FAM227A: variants seen among roughly 807,000 people sequenced by gnomAD.
FAM227A encodes the protein protein FAM227A.
FAM227A carries 80 observed loss-of-function variants against 74.7 expected under a neutral mutation model. The ratio of observed to expected loss-of-function variants is 1.07; its 90% confidence interval spans 0.89 to 1.29. The LOEUF (loss-of-function observed/expected upper bound fraction) is 1.29. Among genes scored for constraint, FAM227A ranks in the 50% most tolerant of loss-of-function variants. The pLI is 0.00. For missense variants in FAM227A, 654 were observed against 683.4 expected (o/e 0.96, Z 0.48); for synonymous variants, 237 against 241.8 (o/e 0.98, Z 0.19).
intron 3 of FAM227A, among the ~76,000 whole-genome samples, chr22:38,642,941 A>T (rs899075380): frequency 3.9e-5 from 6 of 152,008 alleles, no homozygotes; most frequent in African/African-American, 7.2e-5. Flanking sequence ...GTCTCAAAAA[A>T]ACAAAAACAA....
At chr22:38,647,463 C>T (rs992787994) in intron 2 of FAM227A, among the ~76,000 whole-genome samples, 7 of 151,734 alleles carry the variant, frequency 4.6e-5, no homozygotes, top group African/African-American at 1.2e-4. Context: ...AACAAAACAA[C>T]GAAACAACAA....
At chr22:38,597,400 T>C (rs1321620027) in intron 14 of FAM227A, 44 bp from the exon 15 acceptor site, 17 of 1,544,006 alleles carry the variant, frequency 1.1e-5, no homozygotes, top group Non-Finnish European at 2.6e-6. Context: ...TGGAACTGTG[T>C]TGACGCTGCA....
chr22:38,610,704 A>G (rs1161975235), intron 11 of FAM227A, among the ~76,000 whole-genome samples: 1 of 151,984 alleles, frequency 6.6e-6, no homozygotes, highest in Non-Finnish European at 1.5e-5. Flanking sequence ...TCAAAAATAA[A>G]CAATAACAAA....
At chr22:38,655,237 A>G (rs1218604916) in intron 1 of FAM227A, among the ~76,000 whole-genome samples, 1 of 152,106 alleles carries the variant, frequency 6.6e-6, no homozygotes, top group Non-Finnish European at 1.5e-5. Context: ...ATTTTAATTA[A>G]TTCAAATTTT....
chr22:38,607,533 A>G (rs2091311500), intron 11 of FAM227A, 57 bp from the exon 12 acceptor site: 1 of 1,207,576 alleles, frequency 8.3e-7, no homozygotes, highest in East Asian at 2.5e-5. Flanking sequence ...AGAACAAAAT[A>G]AAATTGGCAG....
At chr22:38,613,378 A>ATATATAT (rs2091499817) in intron 11 of FAM227A, among the ~76,000 whole-genome samples, 1 of 86,222 alleles carries the variant, frequency 1.2e-5, no homozygotes, top group African/African-American at 5.6e-5. Context: ...ATAATATATA[A>ATATATAT]CATATATTAT....
chr22:38,604,971 T>C (rs918157944), intron 13 of FAM227A, among the ~76,000 whole-genome samples: 1 of 152,138 alleles, frequency 6.6e-6, no homozygotes, highest in African/African-American at 2.4e-5. Context: ...TTTATTATTG[T>C]TATTCATTTT....
intron 14 of FAM227A, 68 bp from the exon 15 acceptor site, chr22:38,597,424 G>T: frequency 6.9e-7 from 1 of 1,458,846 alleles, no homozygotes; most frequent in Non-Finnish European, 9.4e-7. Context: ...TTAGTGGCAT[G>T]AGCGCAGTGC....
chr22:38,602,982 TCCTGCCTCAG>T (rs1226216126), intron 13 of FAM227A, among the ~76,000 whole-genome samples: 1 of 152,162 alleles, frequency 6.6e-6, no homozygotes, highest in Middle Eastern at 3.2e-3. Context: ...CAAGCAATTC[TCCTGCCTCAG>T]CCTCCCGAGT....
chr22:38,632,463 G>A (rs1353814033), intron 6 of FAM227A, among the ~76,000 whole-genome samples: 3 of 152,172 alleles, frequency 2.0e-5, no homozygotes, highest in Non-Finnish European at 2.9e-5. Context: ...GGATAACACA[G>A]CACGAAGGCC....
intron 6 of FAM227A, among the ~76,000 whole-genome samples, chr22:38,632,086 C>G (rs1383680811): frequency 6.6e-6 from 1 of 151,788 alleles, no homozygotes; most frequent in Non-Finnish European, 1.5e-5. Flanking sequence ...AGACGGCGAG[C>G]CCTGGAGGAA....
At chr22:38,589,207 G>C (rs1006117033) in intron 16 of FAM227A, among the ~76,000 whole-genome samples, 4 of 152,112 alleles carry the variant, frequency 2.6e-5, no homozygotes, top group African/African-American at 4.8e-5. Context: ...ACAAGCCAAG[G>C]ACAGCCACGG....
At chr22:38,599,125 A>AT (rs925184918) in intron 14 of FAM227A, among the ~76,000 whole-genome samples, 42 of 151,360 alleles carry the variant, frequency 2.8e-4, no homozygotes, top group Admixed American at 2.0e-3. Flanking sequence ...GGCCCAGCTA[A>AT]TTTTTTTTGT....
chr22:38,623,311 C>G (rs1374596811), intron 9 of FAM227A, 32 bp from the exon 10 acceptor site: 11 of 1,442,052 alleles, frequency 7.6e-6, no homozygotes, highest in Non-Finnish European at 1.0e-5. Context: ...AGAATGGGGC[C>G]GGGTGCGGTG....
chr22:38,599,613 T>C (rs951011993), intron 14 of FAM227A, 151 bp downstream of exon 14: 48 of 597,300 alleles, frequency 8.0e-5, no homozygotes, highest in Admixed American at 1.2e-4. Flanking sequence ...ATTCTGACCC[T>C]GAGGCTCGCA....
chr22:38,613,231 TATATATA>T (rs1178337793), intron 11 of FAM227A, among the ~76,000 whole-genome samples: 72 of 55,248 alleles, frequency 1.3e-3, no homozygotes, highest in East Asian at 3.1e-3. Context: ...ATATATATTA[TATATATA>T]ATATATAATA....
chr22:38,600,069 CAAA>C (rs2091139504), intron 13 of FAM227A, 148 bp from the exon 14 acceptor site: 2 of 721,478 alleles, frequency 2.8e-6, no homozygotes. Flanking sequence ...CAAAATAAAG[CAAA>C]AAAAGGTCAA....
intron 2 of FAM227A, among the ~76,000 whole-genome samples, chr22:38,649,630 G>T (rs1665529640): frequency 6.6e-6 from 1 of 150,914 alleles, no homozygotes; most frequent in Non-Finnish European, 1.5e-5. Flanking sequence ...ACTTAGGGAG[G>T]CCGAGGCAGG....
At chr22:38,644,770 C>T (rs1284935928) in intron 3 of FAM227A, among the ~76,000 whole-genome samples, 3 of 152,188 alleles carry the variant, frequency 2.0e-5, no homozygotes, top group African/African-American at 7.2e-5. Context: ...CTCGATTTCG[C>T]TGTGAACTTA....
Sources: gnomAD v4.1 joint callset for allele counts (sites outside exome capture counted in the v4.1 genomes callset) on GRCh38, gnomAD v4.1.1 for gene constraint, MANE v1.5 for transcripts, NCBI Gene and HGNC (gene_info 2026-07-23, HGNC 2026-07-21) for gene names.